GPC5: variants seen among roughly 807,000 people sequenced by gnomAD.
The protein encoded by GPC5 is glypican-5.
A neutral mutation model predicts 53.9 loss-of-function variants in GPC5; 47 were observed. The ratio of observed to expected loss-of-function variants is 0.87; its 90% confidence interval spans 0.69 to 1.11. GPC5 has a LOEUF of 1.11. Ranked by LOEUF, GPC5 falls within the 50% of genes most tolerant of loss-of-function variation. The pLI, the probability that GPC5 is intolerant of heterozygous loss-of-function variation, is 0.00. For synonymous variants in GPC5, 286 were observed against 263.3 expected (o/e 1.09, Z -0.84); for missense variants, 748 against 713.1 (o/e 1.05, Z -0.56).
intron 3 of GPC5, among the ~76,000 whole-genome samples, chr13:91,704,272 T>C (rs2139869942): frequency 6.6e-6 from 1 of 152,358 alleles, no homozygotes; most frequent in East Asian, 1.9e-4. Context: ...TTTACAGTTT[T>C]GACATAAAGT....
intron 7 of GPC5, among the ~76,000 whole-genome samples, chr13:92,296,871 G>A (rs1020790779): frequency 1.2e-4 from 19 of 152,316 alleles, no homozygotes; most frequent in African/African-American, 2.6e-4. Flanking sequence ...CGCTGTGCTC[G>A]ATTTCTCGCC....
intron 7 of GPC5, among the ~76,000 whole-genome samples, chr13:92,663,767 C>T (rs1437643439): frequency 7.4e-5 from 10 of 135,188 alleles, no homozygotes; most frequent in African/African-American, 2.2e-4. Context: ...TATATATATA[C>T]ACTATATATA....
chr13:91,767,008 C>A (rs2037538999), intron 5 of GPC5, among the ~76,000 whole-genome samples: 1 of 152,278 alleles, frequency 6.6e-6, no homozygotes, highest in South Asian at 2.1e-4. Flanking sequence ...TCATTTACTT[C>A]AATGGAAATG....
At chr13:91,557,429 A>G (rs2031021308) in intron 2 of GPC5, among the ~76,000 whole-genome samples, 2 of 151,928 alleles carry the variant, frequency 1.3e-5, no homozygotes, top group African/African-American at 4.8e-5. Context: ...GCCCCCATCT[A>G]TTTTGTACCT....
chr13:92,165,992 C>T (rs1353424752), intron 7 of GPC5, among the ~76,000 whole-genome samples: 2 of 152,148 alleles, frequency 1.3e-5, no homozygotes, highest in Non-Finnish European at 2.9e-5. Flanking sequence ...ATTGTCTCTG[C>T]AGATTGTGTA....
At chr13:91,758,951 CT>C (rs1353355050) in intron 5 of GPC5, among the ~76,000 whole-genome samples, 2 of 152,090 alleles carry the variant, frequency 1.3e-5, no homozygotes, top group African/African-American at 2.4e-5. Flanking sequence ...CTCCTGTGCC[CT>C]TTGGTTCTCA....
intron 7 of GPC5, among the ~76,000 whole-genome samples, chr13:92,573,183 C>T (rs182740446): frequency 1.3e-5 from 2 of 152,230 alleles, no homozygotes; most frequent in African/African-American, 2.4e-5. Context: ...TTTTAAAGAT[C>T]GTGGCTACTG....
intron 6 of GPC5, among the ~76,000 whole-genome samples, chr13:92,003,325 C>CAAAAAAA (rs57075719): frequency 5.0e-4 from 50 of 100,146 alleles, no homozygotes; most frequent in Non-Finnish European, 8.1e-4. Context: ...TGTCTTAACA[C>CAAAAAAA]AAAAAAAAAA....
At chr13:91,686,343 A>G (rs1594429066) in intron 2 of GPC5, among the ~76,000 whole-genome samples, 1 of 152,158 alleles carries the variant, frequency 6.6e-6, no homozygotes, top group Non-Finnish European at 1.5e-5. Flanking sequence ...TGCTTGTCCT[A>G]GAAGATAAGA....
chr13:92,755,327 G>C (rs1566403215), intron 7 of GPC5, among the ~76,000 whole-genome samples: 1 of 140,552 alleles, frequency 7.1e-6, no homozygotes. Flanking sequence ...CGCATTCAAA[G>C]CAGTGTGTAG....
intron 7 of GPC5, among the ~76,000 whole-genome samples, chr13:92,523,528 C>A (rs1202583570): frequency 6.6e-6 from 1 of 152,052 alleles, no homozygotes; most frequent in Non-Finnish European, 1.5e-5. Flanking sequence ...TTTTTCTGAT[C>A]TCCATCTTTC....
At chr13:92,040,812 T>C (rs2040935968) in intron 6 of GPC5, among the ~76,000 whole-genome samples, 1 of 152,228 alleles carries the variant, frequency 6.6e-6, no homozygotes, top group Non-Finnish European at 1.5e-5. Flanking sequence ...AGTTTGGTGA[T>C]GTTTTTGTGA....
intron 7 of GPC5, among the ~76,000 whole-genome samples, chr13:92,513,941 G>C (rs1469023254): frequency 6.6e-6 from 1 of 152,040 alleles, no homozygotes; most frequent in Admixed American, 6.6e-5. Context: ...TTCAGATTTT[G>C]AGCATTTTGA....
In GPC5 at chr13:92,632,283, C is replaced by A. The variant is rs1395414481; in HGVS notation, c.1562-233999C>A. ...GATTAAGCTCAGATAGACTTGAAGA[C>A]AGAAATTTCATAAGCATCATTTTGG... On this transcript the variant is annotated intron_variant, in intron 7 of 7. Transcript: ENST00000377067. 5.3e-5 allele frequency among the ~76,000 whole-genome samples: 8 copies of A among 152,034 alleles called. No individual in the cohort carries two copies. The East Asian group carries it at 1.2e-3, about 22-fold the overall frequency.
intron 7 of GPC5, among the ~76,000 whole-genome samples, chr13:92,388,208 TG>T (rs1874827788): frequency 1.3e-5 from 2 of 152,210 alleles, no homozygotes; most frequent in Admixed American, 1.3e-4. Context: ...TTTTCCATTT[TG>T]CTAATATCTT....
At chr13:92,221,740 C>A (rs1294486703) in intron 7 of GPC5, among the ~76,000 whole-genome samples, 1 of 152,034 alleles carries the variant, frequency 6.6e-6, no homozygotes, top group Non-Finnish European at 1.5e-5. Context: ...CCATTAAGTG[C>A]AATGCAACCT....
chr13:91,471,036 C>T (rs993669509), intron 2 of GPC5, among the ~76,000 whole-genome samples: 14 of 152,066 alleles, frequency 9.2e-5, no homozygotes, highest in Non-Finnish European at 1.3e-4. Context: ...AAACAAACAA[C>T]CCCCCAAACA....
chr13:92,089,412 C>T (rs1184675127), intron 6 of GPC5, among the ~76,000 whole-genome samples: 1 of 152,116 alleles, frequency 6.6e-6, no homozygotes, highest in Non-Finnish European at 1.5e-5. Context: ...CCAGCCTGGG[C>T]AACCATGCAA....
intron 5 of GPC5, among the ~76,000 whole-genome samples, chr13:91,869,306 G>A (rs61966368): frequency 0.098 from 14,964 of 151,928 alleles, 808 homozygotes; most frequent in Non-Finnish European, 0.12. Flanking sequence ...TGATCCACCC[G>A]CCTCAGCCTC....
Sources: allele counts gnomAD v4.1 joint callset (sites outside exome capture counted in the v4.1 genomes callset), GRCh38; gene constraint gnomAD v4.1.1; transcripts MANE v1.5; gene names NCBI Gene and HGNC (gene_info 2026-07-23, HGNC 2026-07-21).